DENND4C: variants seen among roughly 807,000 people sequenced by gnomAD.
DENND4C encodes DENN domain containing 4C.
A neutral mutation model predicts 203.0 loss-of-function variants in DENND4C; 108 were observed. The observed-to-expected ratio is 0.53, with a 90% CI of 0.46 to 0.62. The LOEUF (loss-of-function observed/expected upper bound fraction) is 0.62. Among genes scored for constraint, DENND4C ranks in the 20% least tolerant of loss-of-function variants. The pLI, the probability that DENND4C is intolerant of heterozygous loss-of-function variation, is 0.00. For synonymous variants in DENND4C, 871 were observed against 792.4 expected (o/e 1.10, Z -1.67); for missense variants, 2,481 against 2,301.2 (o/e 1.08, Z -1.60).
chr9:19,366,128 AAC>A (rs1287269791), intron 30 of DENND4C, among the ~76,000 whole-genome samples: 1 of 152,250 alleles, frequency 6.6e-6, no homozygotes, highest in Non-Finnish European at 1.5e-5. Context: ...CTTGAAAAAG[AAC>A]AGTGTTATAG....
chr9:19,288,515 T>C, intron 3 of DENND4C, 81 bp from the exon 4 acceptor site: 1 of 829,554 alleles, frequency 1.2e-6, no homozygotes, highest in Non-Finnish European at 1.6e-6. Flanking sequence ...AGTAAATAAA[T>C]GAATCTTTAG....
At chr9:19,273,804 C>G (rs1252259450) in intron 1 of DENND4C, among the ~76,000 whole-genome samples, 1 of 151,978 alleles carries the variant, frequency 6.6e-6, no homozygotes, top group Non-Finnish European at 1.5e-5. Flanking sequence ...AATTGGAACT[C>G]TCAAAGCTGA....
chr9:19,239,491 G>A (rs1226599213), intron 1 of DENND4C, among the ~76,000 whole-genome samples: 1 of 150,676 alleles, frequency 6.6e-6, no homozygotes, highest in Non-Finnish European at 1.5e-5. Flanking sequence ...TTAAGATGGA[G>A]TCTCGCTGTG....
chr9:19,308,605 T>C (rs1247812997), intron 10 of DENND4C, among the ~76,000 whole-genome samples: 2 of 152,252 alleles, frequency 1.3e-5, no homozygotes, highest in Non-Finnish European at 2.9e-5. Context: ...TTCTCCCACA[T>C]TGTGACCTGT....
intron 26 of DENND4C, among the ~76,000 whole-genome samples, chr9:19,354,549 C>CTTTTT (rs66823332): frequency 2.3e-4 from 20 of 87,286 alleles, no homozygotes; most frequent in African/African-American, 7.4e-4. Context: ...TTATTCTAGC[C>CTTTTT]TTTTTTTTTT....
intron 5 of DENND4C, among the ~76,000 whole-genome samples, chr9:19,295,189 G>A (rs1373620199): frequency 1.3e-5 from 2 of 151,752 alleles, no homozygotes; most frequent in African/African-American, 2.4e-5. Context: ...GGCTAACACA[G>A]TGAAACCCCG....
chr9:19,288,161 A>G (rs779612312), intron 3 of DENND4C, among the ~76,000 whole-genome samples: 2 of 152,274 alleles, frequency 1.3e-5, no homozygotes, highest in African/African-American at 2.4e-5. Context: ...CTTCAGGTCA[A>G]ACTAATATTA....
intron 10 of DENND4C, among the ~76,000 whole-genome samples, chr9:19,309,743 A>AT (rs923760715): frequency 2.0e-5 from 3 of 151,420 alleles, no homozygotes; most frequent in Non-Finnish European, 2.9e-5. Context: ...TACCTTTTAA[A>AT]TTTTTTTTAA....
At chr9:19,258,226 G>A (rs75979747) in intron 1 of DENND4C, among the ~76,000 whole-genome samples, 3,323 of 152,156 alleles carry the variant, frequency 0.022, 51 homozygotes, top group Non-Finnish European at 0.022. Flanking sequence ...AAATCTACCC[G>A]CATAAAGATC....
intron 1 of DENND4C, among the ~76,000 whole-genome samples, chr9:19,261,659 A>G (rs1564096544): frequency 2.0e-5 from 3 of 149,542 alleles, no homozygotes; most frequent in Admixed American, 1.3e-4. Flanking sequence ...GAATCCCACC[A>G]GGCCGGGCTA....
At chr9:19,326,230 C>A in intron 15 of DENND4C, 36 bp downstream of exon 15, 1 of 1,566,828 alleles carries the variant, frequency 6.4e-7, no homozygotes, top group South Asian at 1.2e-5. Context: ...AATGGCACAG[C>A]CTATCAGTTT....
intron 1 of DENND4C, among the ~76,000 whole-genome samples, chr9:19,256,750 G>A (rs1363479296): frequency 6.6e-6 from 1 of 151,720 alleles, no homozygotes; most frequent in Non-Finnish European, 1.5e-5. Context: ...ATTATCTATT[G>A]GGCAAAGAAA....
chr9:19,336,186 A>ATAT, intron 18 of DENND4C, 84 bp from the exon 19 acceptor site: 1 of 1,021,552 alleles, frequency 9.8e-7, no homozygotes, highest in Non-Finnish European at 1.4e-6. Flanking sequence ...TATATATATA[A>ATAT]ACATACACAC....
chr9:19,233,197 C>T (rs1054000555), intron 1 of DENND4C, among the ~76,000 whole-genome samples: 4 of 152,140 alleles, frequency 2.6e-5, no homozygotes, highest in Admixed American at 6.5e-5. Flanking sequence ...ATTTGAATTT[C>T]CAGTGTAATA....
At chr9:19,363,146 C>G (rs1826852396) in intron 30 of DENND4C, among the ~76,000 whole-genome samples, 1 of 152,188 alleles carries the variant, frequency 6.6e-6, no homozygotes, top group African/African-American at 2.4e-5. Flanking sequence ...ATAACCTTTT[C>G]TCTGTGTGTG....
chr9:19,304,263 C>A (rs1839199003), intron 9 of DENND4C, among the ~76,000 whole-genome samples: 1 of 149,522 alleles, frequency 6.7e-6, no homozygotes, highest in African/African-American at 2.5e-5. Context: ...CGGCTCACTG[C>A]AACCTCTGCC....
chr9:19,311,702 T>C (rs1013949385), intron 10 of DENND4C, among the ~76,000 whole-genome samples: 4 of 152,144 alleles, frequency 2.6e-5, no homozygotes, highest in Admixed American at 6.5e-5. Context: ...ACATTAGTTC[T>C]TCATGTTGAT....
At chr9:19,359,253 A>T (rs1825983069) in intron 28 of DENND4C, among the ~76,000 whole-genome samples, 1 of 151,742 alleles carries the variant, frequency 6.6e-6, no homozygotes, top group African/African-American at 2.4e-5. Context: ...TAATTAAGTA[A>T]TTAATTTTTA....
chr9:19,255,634 G>T (rs974431612), intron 1 of DENND4C, among the ~76,000 whole-genome samples: 2 of 152,004 alleles, frequency 1.3e-5, no homozygotes, highest in African/African-American at 4.8e-5. Context: ...ATTTTTTAAT[G>T]CTTTTTTTAT....
Sources: allele counts gnomAD v4.1 joint callset (sites outside exome capture counted in the v4.1 genomes callset), GRCh38; gene constraint gnomAD v4.1.1; transcripts MANE v1.5; gene names NCBI Gene and HGNC (gene_info 2026-07-23, HGNC 2026-07-21).